The following PLEKHA6 variants were observed in gnomAD, a reference collection of about 807,000 sequenced individuals.
PLEKHA6 encodes pleckstrin homology domain containing A6, also known as pleckstrin homology domain-containing family A member 6.
Under a neutral mutation model 116.7 loss-of-function variants are expected in PLEKHA6, and 60 were observed. That is an observed-to-expected ratio of 0.51 (90% CI 0.42 to 0.64). The LOEUF is 0.64. Among genes scored for constraint, PLEKHA6 ranks in the 30% least tolerant of loss-of-function variants. The probability of loss-of-function intolerance (pLI) is 0.00; values close to 1 mark genes in which losing one functional copy is unlikely to be tolerated. For missense variants in PLEKHA6, 1,338 were observed against 1,422.7 expected, an observed-to-expected ratio of 0.94 and a Z score of 0.96; for synonymous variants, 489 against 556.1, an observed-to-expected ratio of 0.88 and a Z score of 1.70.
Position 204,264,994 on chromosome 1 carries a change from C to T in PLEKHA6, c.329G>A (p.Arg110Gln), listed in dbSNP as rs1380219046. The change falls in exon 6 of 23, where the codon CGG becomes CAG. Residue 110 changes from arginine (R) to glutamine (Q), a missense_variant. Coordinates refer to ENST00000272203, the MANE Select transcript of PLEKHA6 (RefSeq NM_014935.5). The stretch of plus-strand genomic sequence containing the variant: ...GTCTGAGGGCTGCACTGCGGCTACC[C>T]GGAAGCTCAGGAGGGGGATGCTGCC... ...ILGSIPLLSF[R>Q]VAAVQPSDNI... The T allele has an allele frequency of 3.1e-6, 5 of 1,614,152 alleles. No individual in the cohort carries two copies. Among genetic ancestry groups the T allele is most frequent in the Admixed American group, 3.3e-5 (2 of 60,030 alleles).
chr1:204,363,295 T>C (rs1329635797), upstream of PLEKHA6, among the ~76,000 whole-genome samples: 1 of 152,216 alleles, frequency 6.6e-6, no homozygotes, highest in Non-Finnish European at 1.5e-5. Flanking sequence ...TTCTGATCTC[T>C]GCCTCCCTGC....
chr1:204,248,743 C>A, intron 12 of PLEKHA6, 78 bp downstream of exon 12: 1 of 1,375,628 alleles, frequency 7.3e-7, no homozygotes, highest in Non-Finnish European at 1.0e-6. Context: ...TGGACTAGGA[C>A]AGCACAAGCT....
Position 204,223,546 on chromosome 1 carries a change from G to A in PLEKHA6, c.3071C>T (p.Ser1024Phe). Residue 1024 changes from serine (S) to phenylalanine (F), a missense_variant, in exon 22 of 23, where the codon TCC (serine) becomes TTC (phenylalanine). Physicochemically the swap from Ser to Phe is radical, Grantham distance 155. This residue lies in a region of PLEKHA6 where 1,136 missense variants were observed against 1,163.6 expected (regional missense o/e 0.98). Coordinates refer to ENST00000272203, the MANE Select transcript of PLEKHA6 (RefSeq NM_014935.5). This position sits in a 1 kb window ranked among gnomAD's most constrained non-coding sequence, Gnocchi z 4.8. ...ATPSPPTSPASPAPPANPLSS... is the reference protein window; with the variant it reads ...ATPSPPTSPAFPAPPANPLSS... Reference sequence around the variant, plus strand: ...CAGGGGGTTTGCTGGAGGAGCCGGGGAAGCAGGGGAGGTGGGAGGGCTTGG... The same window carrying A: ...CAGGGGGTTTGCTGGAGGAGCCGGGAAAGCAGGGGAGGTGGGAGGGCTTGG... The A allele has an allele frequency of 6.5e-7, 1 of 1,542,080 alleles. No individual in the cohort carries two copies. Among genetic ancestry groups the A allele is most frequent in the Non-Finnish European group, 8.8e-7 (1 of 1,140,780 alleles).
At chr1:204,311,078 G>A (rs1041649006) in intron 1 of PLEKHA6, among the ~76,000 whole-genome samples, 2 of 152,200 alleles carry the variant, frequency 1.3e-5, no homozygotes, top group Non-Finnish European at 2.9e-5. Flanking sequence ...TGCCCTCCCA[G>A]CCGGTGCAGG....
In PLEKHA6 at chr1:204,228,719, G is replaced by T. The variant is rs766326929; in HGVS notation, c.2885+9C>A. ...GCAGAGGAAGTAGAGGCTCACCCAG[G>T]CTGGTTACCTGGATTTGGCAATGAG... On this transcript the variant is annotated intron_variant, in intron 20 of 22. Transcript: ENST00000272203. This position sits in a 1 kb window ranked among gnomAD's most constrained non-coding sequence, Gnocchi z 4.0. 8.7e-6 allele frequency: 14 copies of T among 1,613,542 alleles called. No homozygotes were observed. In the South Asian group the frequency reaches 1.5e-4, roughly 18 times the overall value.
chr1:204,251,688 T>C (rs928370364), intron 9 of PLEKHA6: 8 of 667,496 alleles, frequency 1.2e-5, no homozygotes, highest in Admixed American at 2.1e-5. Flanking sequence ...CCTGTGCTTG[T>C]TTCCCAGGAA....
intron 17 of PLEKHA6, 63 bp from the exon 18 acceptor site, chr1:204,230,649 T>A: frequency 7.2e-7 from 1 of 1,398,248 alleles, no homozygotes; most frequent in Non-Finnish European, 9.7e-7. Context: ...TTTTCCATCC[T>A]GAACCCTTAA....
chr1:204,317,225 C>T (rs1189846794), intron 1 of PLEKHA6: 4 of 977,850 alleles, frequency 4.1e-6, no homozygotes, highest in Non-Finnish European at 4.9e-6. Context: ...CCAATCCAGG[C>T]CTAAAGAGGC....
At chr1:204,241,035 T>C (rs1012296901) in intron 17 of PLEKHA6, among the ~76,000 whole-genome samples, 3 of 152,196 alleles carry the variant, frequency 2.0e-5, no homozygotes, top group Non-Finnish European at 4.4e-5. Context: ...TCAGACTGGC[T>C]CTTCTTGCTC....
intron 9 of PLEKHA6, chr1:204,251,456 A>G: frequency 2.9e-6 from 2 of 680,406 alleles, no homozygotes; most frequent in Non-Finnish European, 5.4e-6. Context: ...GCCTCATCCT[A>G]GATGGGCAAC....
chr1:204,251,644 T>C, intron 9 of PLEKHA6: 1 of 700,578 alleles, frequency 1.4e-6, no homozygotes, highest in South Asian at 1.5e-5. Context: ...CTATTCACAC[T>C]CCGACCTACA....
intron 3 of PLEKHA6, among the ~76,000 whole-genome samples, chr1:204,365,185 A>G (rs1354510114): frequency 6.6e-6 from 1 of 152,208 alleles, no homozygotes; most frequent in Non-Finnish European, 1.5e-5. Context: ...CGGGAGCGAG[A>G]CTATGATGCC....
chr1:204,362,688 A>G (rs1332090808), upstream of PLEKHA6, among the ~76,000 whole-genome samples: 2 of 152,198 alleles, frequency 1.3e-5, no homozygotes, highest in African/African-American at 2.4e-5. Context: ...CTGGTACTGC[A>G]GGTACACACC....
intron 1 of PLEKHA6, among the ~76,000 whole-genome samples, chr1:204,285,634 C>T (rs4548504): frequency 0.54 from 81,877 of 151,974 alleles, 22,949 homozygotes; most frequent in East Asian, 0.83. Context: ...GGCCACCACG[C>T]TTGGCTAATT....
At chr1:204,274,267 T>G (rs1390884024) in intron 2 of PLEKHA6, among the ~76,000 whole-genome samples, 3 of 152,174 alleles carry the variant, frequency 2.0e-5, no homozygotes, top group Non-Finnish European at 4.4e-5. Context: ...ACCCTGGGGA[T>G]CTAGAAATCC....
At chr1:204,292,936 C>CGGCT (rs1669921006) in intron 1 of PLEKHA6, among the ~76,000 whole-genome samples, 2 of 152,190 alleles carry the variant, frequency 1.3e-5, no homozygotes, top group Admixed American at 6.5e-5. Context: ...GCCAGACACA[C>CGGCT]GGCTGCGTTC....
intron 1 of PLEKHA6, among the ~76,000 whole-genome samples, chr1:204,373,107 T>TTTTTA (rs71281139): frequency 6.8e-6 from 1 of 146,360 alleles, no homozygotes; most frequent in African/African-American, 2.6e-5. Flanking sequence ...TTTTTTTTTT[T>TTTTTA]GAGATAGAGT....
chr1:204,364,651 A>G (rs1476677387), upstream of PLEKHA6, among the ~76,000 whole-genome samples: 1 of 152,186 alleles, frequency 6.6e-6, no homozygotes, highest in Non-Finnish European at 1.5e-5. Context: ...TGGCTGGTTG[A>G]TAATTAAACA....
At chr1:204,370,326 T>G (rs895641352) in intron 2 of PLEKHA6, among the ~76,000 whole-genome samples, 1 of 152,234 alleles carries the variant, frequency 6.6e-6, no homozygotes, top group East Asian at 1.9e-4. Flanking sequence ...GTGCCAGCTG[T>G]GCCCATGATT....
Sources: gnomAD v4.1 joint callset for allele counts (sites outside exome capture counted in the v4.1 genomes callset) on GRCh38, gnomAD v4.1.1 for gene constraint, gnomAD v4.1.1 regional missense constraint, Gnocchi (gnomAD v3.1) non-coding constraint, MANE v1.5 for transcripts, NCBI Gene and HGNC (gene_info 2026-07-23, HGNC 2026-07-21) for gene names.